IARS2: variants seen among roughly 807,000 people sequenced by gnomAD.
The protein encoded by IARS2 is isoleucine--tRNA ligase, mitochondrial.
IARS2 carries 56 observed loss-of-function variants against 126.3 expected under a neutral mutation model. The observed-to-expected ratio is 0.44, with a 90% CI of 0.36 to 0.55. IARS2 has a LOEUF of 0.55. Ranked by LOEUF, IARS2 falls within the 20% of genes least tolerant of loss-of-function variation. IARS2 has a pLI of 0.00. For synonymous variants in IARS2, 407 were observed against 441.1 expected (o/e 0.92, Z 0.97); for missense variants, 1,127 against 1,245.9 (o/e 0.90, Z 1.44).
Position 220,103,289 on chromosome 1 carries a change from C to A in IARS2, c.951-158C>A, listed in dbSNP as rs372405327. On this transcript the variant is annotated intron_variant, in intron 7 of 22. Coordinates refer to ENST00000366922, the MANE Select transcript of IARS2 (RefSeq NM_018060.4). The stretch of plus-strand genomic sequence containing the variant: ...TTGCAAACTCCCAACCTCAGGTGAT[C>A]CACCTGCCTTGGCCTCCCAAAGTGC... Among the ~76,000 whole-genome samples the A allele has an allele frequency of 9.2e-5, 14 of 152,258 alleles. No individual in the cohort carries two copies. In the South Asian group the frequency reaches 2.1e-3, roughly 23 times the overall value.
intron 14 of IARS2, among the ~76,000 whole-genome samples, chr1:220,129,735 T>A (rs1362266420): frequency 6.6e-6 from 1 of 152,232 alleles, no homozygotes; most frequent in Admixed American, 6.5e-5. Flanking sequence ...ATTTATCACA[T>A]TTTCTTTATC....
intron 14 of IARS2, among the ~76,000 whole-genome samples, chr1:220,127,225 A>T (rs1200660042): frequency 6.6e-6 from 1 of 152,320 alleles, no homozygotes; most frequent in African/African-American, 2.4e-5. Context: ...ATTGACTTAG[A>T]GCCAAATTAG....
intron 11 of IARS2, 88 bp downstream of exon 11, chr1:220,111,025 G>C: frequency 2.6e-6 from 3 of 1,174,076 alleles, no homozygotes; most frequent in Admixed American, 2.4e-5. Flanking sequence ...GGGGTTTCAG[G>C]AGTAATAGGG....
At chr1:220,115,454 C>G (rs1340812867) in intron 12 of IARS2, among the ~76,000 whole-genome samples, 1 of 151,868 alleles carries the variant, frequency 6.6e-6, no homozygotes, top group Non-Finnish European at 1.5e-5. Flanking sequence ...TCAGCTACTC[C>G]GAAGGCTCAG....
At chr1:220,113,901 AT>A (rs1260852178) in intron 11 of IARS2, among the ~76,000 whole-genome samples, 3 of 152,190 alleles carry the variant, frequency 2.0e-5, no homozygotes, top group African/African-American at 7.2e-5. Flanking sequence ...ATAGTAATTT[AT>A]TTTTTAAGCA....
chr1:220,107,028 G>A (rs1656695648), intron 9 of IARS2, 33 bp from the exon 10 acceptor site: 2 of 1,303,592 alleles, frequency 1.5e-6, no homozygotes, highest in African/African-American at 1.5e-5. Context: ...AAAATGTCTT[G>A]ATATTTTAAT....
chr1:220,120,125 A>G (rs1027551698), intron 12 of IARS2, among the ~76,000 whole-genome samples: 1 of 140,910 alleles, frequency 7.1e-6, no homozygotes, highest in African/African-American at 2.7e-5. Context: ...CTTGTTCCCC[A>G]GGCTGGAGTG....
intron 12 of IARS2, among the ~76,000 whole-genome samples, chr1:220,121,763 T>C (rs1295941336): frequency 6.6e-6 from 1 of 152,074 alleles, no homozygotes; most frequent in Non-Finnish European, 1.5e-5. Context: ...GAAAAAGAGC[T>C]TAGTTTTATT....
At chr1:220,136,071 TAA>T (rs1211644845) in intron 15 of IARS2, among the ~76,000 whole-genome samples, 15 of 152,190 alleles carry the variant, frequency 9.9e-5, no homozygotes, top group Admixed American at 9.8e-4. Context: ...TGAAAATATC[TAA>T]AGTTTTCCTT....
chr1:220,138,053 A>G lies in IARS2; in HGVS notation c.2175+10A>G, dbSNP rs1214686820. ...AGATGATATTAGCAAGGTTAGAACTATTATTCTTCCTATTTCTAAAGGACA... is the reference window on the plus strand; with the variant it reads ...AGATGATATTAGCAAGGTTAGAACTGTTATTCTTCCTATTTCTAAAGGACA... On this transcript the variant is annotated intron_variant, in intron 17 of 22. Transcript: ENST00000366922. 1.2e-6 allele frequency: 2 copies of G among 1,612,394 alleles called. No homozygotes were observed. Among genetic ancestry groups the G allele is most frequent in the Admixed American group, 1.7e-5 (1 of 59,738 alleles).
intron 14 of IARS2, among the ~76,000 whole-genome samples, chr1:220,128,845 A>C (rs1189133283): frequency 2.0e-5 from 3 of 151,944 alleles, no homozygotes; most frequent in South Asian, 2.1e-4. Context: ...GTTAAAATCC[A>C]TGAAAACTGG....
chr1:220,134,768 G>GTT (rs57598038), intron 15 of IARS2: 183 of 151,428 alleles, frequency 1.2e-3, no homozygotes, highest in Middle Eastern at 2.9e-3. Context: ...TGTTGTTGTT[G>GTT]TTTTTTTTTT....
chr1:220,138,984 C>G (rs1657436185), intron 17 of IARS2, 24 bp from the exon 18 acceptor site: 1 of 1,592,506 alleles, frequency 6.3e-7, no homozygotes, highest in Non-Finnish European at 8.5e-7. Flanking sequence ...TTTTTAACTG[C>G]ATATTTTTTC....
In IARS2 at chr1:220,102,116, G is replaced by T. The variant is rs377482718; in HGVS notation, c.551-13G>T. 3 of 1,588,440 alleles carry T rather than the reference G, an allele frequency of 1.9e-6. No individual in the cohort carries two copies. The highest frequency in any genetic ancestry group is 2.0e-5 in the Admixed American group (1 of 51,050). Reference sequence around the variant, plus strand: ...ATTGGTTTTTTAAAATCTTTTTTTCGTCTTTTTTTTAGCTAGATCATTTGC... The same window carrying T: ...ATTGGTTTTTTAAAATCTTTTTTTCTTCTTTTTTTTAGCTAGATCATTTGC... On this transcript the variant is annotated splice_polypyrimidine_tract_variant and intron_variant, in intron 3 of 22. Coordinates refer to ENST00000366922, the MANE Select transcript of IARS2 (RefSeq NM_018060.4).
At chr1:220,109,185 G>T (rs1442654924) in intron 10 of IARS2, among the ~76,000 whole-genome samples, 1 of 152,026 alleles carries the variant, frequency 6.6e-6, no homozygotes, top group Non-Finnish European at 1.5e-5. Context: ...CATATCACGA[G>T]GTCAGGAGTT....
intron 22 of IARS2, among the ~76,000 whole-genome samples, chr1:220,146,140 A>G (rs1657582022): frequency 6.6e-6 from 1 of 152,226 alleles, no homozygotes. Context: ...CTCATAAGCA[A>G]GCATTTTGTC....
At chr1:220,124,567 G>A (rs997026710) in intron 12 of IARS2, among the ~76,000 whole-genome samples, 3 of 152,186 alleles carry the variant, frequency 2.0e-5, no homozygotes, top group Non-Finnish European at 4.4e-5. Flanking sequence ...TAACAGAAGG[G>A]AAAGCTAGGT....
chr1:220,110,550 G>A (rs1656779093), intron 10 of IARS2, among the ~76,000 whole-genome samples: 1 of 152,100 alleles, frequency 6.6e-6, no homozygotes, highest in Non-Finnish European at 1.5e-5. Flanking sequence ...ATTTTTAGTA[G>A]AGACGAGGTT....
chr1:220,123,075 G>A (rs187439804), intron 12 of IARS2, among the ~76,000 whole-genome samples: 1 of 150,714 alleles, frequency 6.6e-6, no homozygotes, highest in East Asian at 1.9e-4. Flanking sequence ...TCTCTTTTAT[G>A]GTTGTAATCT....
Sources: allele counts gnomAD v4.1 joint callset (sites outside exome capture counted in the v4.1 genomes callset), GRCh38; gene constraint gnomAD v4.1.1; transcripts MANE v1.5; gene names NCBI Gene and HGNC (gene_info 2026-07-23, HGNC 2026-07-21).